Variants in DOCK4 observed in about 807,000 individuals in gnomAD.
The protein encoded by DOCK4 is dedicator of cytokinesis 4.
DOCK4 carries 97 observed loss-of-function variants against 268.1 expected under a neutral mutation model. That is an observed-to-expected ratio of 0.36 (90% CI 0.31 to 0.43). The LOEUF (loss-of-function observed/expected upper bound fraction) is 0.43, where lower values mean the gene tolerates loss of function less well. Among genes scored for constraint, DOCK4 ranks in the 20% least tolerant of loss-of-function variants. The pLI is 1.00. For synonymous variants in DOCK4, 954 were observed against 887.2 expected (o/e 1.08, Z -1.34); for missense variants, 2,145 against 2,455.7 (o/e 0.87, Z 2.67).
intron 16 of DOCK4, among the ~76,000 whole-genome samples, chr7:111,881,949 C>T (rs1807428059): frequency 6.6e-6 from 1 of 152,004 alleles, no homozygotes; most frequent in South Asian, 2.1e-4. Context: ...TGGGAGATGA[C>T]AGGGAGGTGG....
chr7:111,872,597 T>A, intron 17 of DOCK4, 33 bp from the exon 18 acceptor site: 1 of 1,526,662 alleles, frequency 6.6e-7, no homozygotes, highest in Non-Finnish European at 8.9e-7. Context: ...TTAATTGCCT[T>A]AATAGAGAAC....
intron 1 of DOCK4, among the ~76,000 whole-genome samples, chr7:112,013,931 G>A (rs184218448): frequency 2.4e-4 from 36 of 152,154 alleles, no homozygotes; most frequent in Non-Finnish European, 4.4e-4. Flanking sequence ...CTACTTCTGC[G>A]GCTCCTTTAT....
At chr7:112,065,211 A>C (rs1586748307) in intron 1 of DOCK4, among the ~76,000 whole-genome samples, 1 of 152,142 alleles carries the variant, frequency 6.6e-6, no homozygotes, top group African/African-American at 2.4e-5. Context: ...ACCACATTCC[A>C]GACTCACTGC....
At chr7:111,777,654 T>G (rs912621178) in intron 36 of DOCK4, among the ~76,000 whole-genome samples, 1 of 152,152 alleles carries the variant, frequency 6.6e-6, no homozygotes, top group African/African-American at 2.4e-5. Context: ...CACCCAAATC[T>G]CATCTTCAAT....
At chr7:111,837,193 C>G (rs1803304521) in intron 25 of DOCK4, among the ~76,000 whole-genome samples, 1 of 151,906 alleles carries the variant, frequency 6.6e-6, no homozygotes, top group Non-Finnish European at 1.5e-5. Context: ...AAAGATTTCT[C>G]TTGGAAAGAA....
chr7:111,813,270 A>G (rs969741681), intron 27 of DOCK4, among the ~76,000 whole-genome samples: 3 of 152,218 alleles, frequency 2.0e-5, no homozygotes, highest in African/African-American at 7.2e-5. Context: ...GTAAAATGAA[A>G]AAACAAAAGA....
chr7:112,018,455 C>T (rs680701), intron 1 of DOCK4, among the ~76,000 whole-genome samples: 110,400 of 152,046 alleles, frequency 0.73, 41,550 homozygotes, highest in African/African-American at 0.93. Flanking sequence ...TTTTAAATTC[C>T]TCCTCAGGGT....
In DOCK4 at chr7:112,203,372, G is replaced by A. The variant is rs757194; in HGVS notation, c.37+2730C>T. 9.1e-3 allele frequency among the ~76,000 whole-genome samples: 1,380 copies of A among 152,212 alleles called. 17 individuals are homozygous for A. Among genetic ancestry groups the A allele is most frequent in the African/African-American group, 0.031 (1,297 of 41,510 alleles). On this transcript the variant is annotated intron_variant, in intron 1 of 52. Transcript: ENST00000428084. ...ATGAATTTAATCATTCATTAAATGG[G>A]ACGGTGCCTATACATCAGTTACGAA...
intron 12 of DOCK4, among the ~76,000 whole-genome samples, chr7:111,933,293 TATATA>T (rs1176072364): frequency 3.3e-4 from 39 of 118,288 alleles, no homozygotes; most frequent in African/African-American, 1.2e-3. Context: ...TATATATATA[TATATA>T]TTTTTTTTTT....
At chr7:111,760,122 G>A in intron 40 of DOCK4, 59 bp downstream of exon 40, 1 of 1,590,062 alleles carries the variant, frequency 6.3e-7, no homozygotes, top group Non-Finnish European at 8.6e-7. Context: ...GCATGGAAAT[G>A]CTCTGCAGCT....
chr7:112,112,386 G>A (rs909295757), intron 1 of DOCK4, among the ~76,000 whole-genome samples: 3 of 152,190 alleles, frequency 2.0e-5, no homozygotes, highest in Non-Finnish European at 2.9e-5. Context: ...GCTCATGCCT[G>A]TAATCCCAAC....
chr7:112,020,707 A>C (rs1301838813), intron 1 of DOCK4, among the ~76,000 whole-genome samples: 1 of 139,568 alleles, frequency 7.2e-6, no homozygotes, highest in Non-Finnish European at 1.6e-5. Context: ...AAAAAAAAAA[A>C]ATTAAGGAAA....
At chr7:111,995,458 TATGTGC>T (rs1799884439) in intron 4 of DOCK4, among the ~76,000 whole-genome samples, 2 of 15,914 alleles carry the variant, frequency 1.3e-4, no homozygotes, top group African/African-American at 9.4e-4. Context: ...TGTGTGTGTG[TATGTGC>T]AGGTGAAAGT....
In DOCK4 at chr7:111,970,686, A is replaced by G. The variant is rs149188439; in HGVS notation, c.701+6446T>C. On this transcript the variant is annotated intron_variant, in intron 8 of 52. Transcript: ENST00000428084. Reference sequence around the variant, plus strand: ...TAGAGAGAAATTGTGTCAAGACTGTATACACCTCAAATAAAAGTATGTGAT... The same window carrying G: ...TAGAGAGAAATTGTGTCAAGACTGTGTACACCTCAAATAAAAGTATGTGAT... 7.2e-3 allele frequency among the ~76,000 whole-genome samples: 1,091 copies of G among 152,312 alleles called. 20 individuals carry two copies. Among genetic ancestry groups the G allele is most frequent in the African/African-American group, 0.025 (1,027 of 41,560 alleles).
At chr7:112,090,227 GAT>G (rs1428112263) in intron 1 of DOCK4, among the ~76,000 whole-genome samples, 3 of 152,062 alleles carry the variant, frequency 2.0e-5, no homozygotes, top group Non-Finnish European at 2.9e-5. Flanking sequence ...GTTCTAAAAA[GAT>G]AAATAAATTA....
chr7:112,154,649 G>A (rs1816442881), intron 1 of DOCK4, among the ~76,000 whole-genome samples: 1 of 152,132 alleles, frequency 6.6e-6, no homozygotes. Context: ...ACACTGATAT[G>A]TTTTCCTCCA....
chr7:111,805,487 ATGTC>A (rs547732330), intron 30 of DOCK4, among the ~76,000 whole-genome samples: 229 of 152,362 alleles, frequency 1.5e-3, no homozygotes, highest in Non-Finnish European at 2.1e-3. Flanking sequence ...ACACAACTAA[ATGTC>A]TGTTAGATGA....
chr7:111,938,601 A>G (rs1794931378), intron 11 of DOCK4, among the ~76,000 whole-genome samples: 1 of 152,210 alleles, frequency 6.6e-6, no homozygotes, highest in Admixed American at 6.5e-5. Context: ...TGCATTTAAA[A>G]AAATCATTTA....
chr7:111,872,174 T>A, intron 19 of DOCK4, 84 bp from the exon 20 acceptor site: 2 of 1,371,060 alleles, frequency 1.5e-6, no homozygotes, highest in Non-Finnish European at 2.0e-6. Flanking sequence ...AAATGAACTC[T>A]TACATTATTA....
Sources: gnomAD v4.1 joint callset for allele counts (sites outside exome capture counted in the v4.1 genomes callset) on GRCh38, gnomAD v4.1.1 for gene constraint, MANE v1.5 for transcripts, NCBI Gene and HGNC (gene_info 2026-07-23, HGNC 2026-07-21) for gene names.